The following TMEM232 variants were observed in gnomAD, a reference collection of about 807,000 sequenced individuals.
TMEM232 encodes transmembrane protein 232.
A neutral mutation model predicts 78.8 loss-of-function variants in TMEM232; 80 were observed. The ratio of observed to expected loss-of-function variants is 1.01; its 90% CI spans 0.85 to 1.22. TMEM232 has a LOEUF of 1.22. Ranked by LOEUF, TMEM232 falls within the 50% of genes most tolerant of loss-of-function variation. TMEM232 has a pLI of 0.00. For synonymous variants in TMEM232, 297 were observed against 254.3 expected, an observed-to-expected ratio of 1.17 and a Z score of -1.60; for missense variants, 881 against 742.2, an observed-to-expected ratio of 1.19 and a Z score of -2.17.
At chr5:110,671,769 T>A (rs1050648620) in intron 1 of TMEM232, among the ~76,000 whole-genome samples, 16 of 152,094 alleles carry the variant, frequency 1.1e-4, no homozygotes, top group Non-Finnish European at 4.4e-5. Context: ...AGAGGAGCGA[T>A]AGCATTAAGA....
At chr5:110,502,759 T>G (rs1006827219) in intron 12 of TMEM232, among the ~76,000 whole-genome samples, 1 of 152,150 alleles carries the variant, frequency 6.6e-6, no homozygotes, top group African/African-American at 2.4e-5. Flanking sequence ...CTTCCTTCAT[T>G]TGGGCATTGT....
At chr5:110,399,812 C>G (rs139702533) in intron 2 of TMEM232, among the ~76,000 whole-genome samples, 1 of 152,262 alleles carries the variant, frequency 6.6e-6, no homozygotes, top group Non-Finnish European at 1.5e-5. Context: ...CCCTTCCTTA[C>G]CAGATTGCCA....
chr5:110,489,600 G>A (rs1349204695), intron 12 of TMEM232, among the ~76,000 whole-genome samples: 2 of 152,052 alleles, frequency 1.3e-5, no homozygotes, highest in African/African-American at 2.4e-5. Context: ...TCAGGAATAA[G>A]GAAAATATAT....
chr5:110,723,787 C>T (rs766037394), intron 1 of TMEM232, among the ~76,000 whole-genome samples: 9 of 152,194 alleles, frequency 5.9e-5, no homozygotes, highest in Non-Finnish European at 1.2e-4. Context: ...TGAGTTCTAG[C>T]TAAAGCTTAG....
intron 1 of TMEM232, among the ~76,000 whole-genome samples, chr5:110,693,822 G>A (rs142594301): frequency 0.085 from 12,964 of 152,194 alleles, 576 homozygotes; most frequent in Admixed American, 0.12. Context: ...CCAAATCTAC[G>A]TCTGATTGGT....
At chr5:110,505,457 A>G (rs1288218416) in intron 12 of TMEM232, among the ~76,000 whole-genome samples, 4 of 152,138 alleles carry the variant, frequency 2.6e-5, no homozygotes, top group African/African-American at 9.7e-5. Flanking sequence ...AGGAAGAAAA[A>G]TCGTTCTAAA....
intron 2 of TMEM232, among the ~76,000 whole-genome samples, chr5:110,407,914 T>C (rs1166145735): frequency 1.3e-5 from 2 of 152,148 alleles, no homozygotes; most frequent in Non-Finnish European, 2.9e-5. Flanking sequence ...TGGGGTGATA[T>C]GGCTATAGAT....
intron 10 of TMEM232, among the ~76,000 whole-genome samples, chr5:110,583,052 T>C (rs746830468): frequency 6.6e-6 from 1 of 151,930 alleles, no homozygotes; most frequent in Non-Finnish European, 1.5e-5. Context: ...TTGAAATACT[T>C]AATATTTTAA....
chr5:110,629,816 T>C (rs1206791124), intron 5 of TMEM232, among the ~76,000 whole-genome samples: 4 of 152,214 alleles, frequency 2.6e-5, no homozygotes, highest in South Asian at 2.1e-4. Context: ...GCTGCTTATA[T>C]GTTATTCTCT....
At chr5:110,712,599 C>T (rs1796604760) in intron 1 of TMEM232, among the ~76,000 whole-genome samples, 1 of 152,084 alleles carries the variant, frequency 6.6e-6, no homozygotes, top group Non-Finnish European at 1.5e-5. Flanking sequence ...AGTCCCTGAC[C>T]ACCGATCAAA....
chr5:110,513,783 G>A (rs570733754), intron 12 of TMEM232: 5 of 166,356 alleles, frequency 3.0e-5, no homozygotes, highest in Admixed American at 2.6e-4. Context: ...TAGTATGGAA[G>A]TTCCTCAATA....
chr5:110,596,985 A>G (rs1780248283), intron 10 of TMEM232, among the ~76,000 whole-genome samples: 1 of 152,136 alleles, frequency 6.6e-6, no homozygotes, highest in Non-Finnish European at 1.5e-5. Flanking sequence ...CACCCCTCCT[A>G]TTCAACATAG....
At chr5:110,499,660 T>A (rs1766029147) in intron 12 of TMEM232, among the ~76,000 whole-genome samples, 1 of 145,352 alleles carries the variant, frequency 6.9e-6, no homozygotes, top group African/African-American at 2.7e-5. Context: ...TATATATATA[T>A]AAAGATAAGC....
intron 1 of TMEM232, among the ~76,000 whole-genome samples, chr5:110,704,054 G>C (rs1190501853): frequency 6.6e-6 from 1 of 152,008 alleles, no homozygotes; most frequent in East Asian, 1.9e-4. Context: ...ATTGAAAGGG[G>C]ATACGCTCCA....
chr5:110,533,993 T>C (rs1417279637), intron 11 of TMEM232, among the ~76,000 whole-genome samples: 2 of 152,150 alleles, frequency 1.3e-5, no homozygotes, highest in African/African-American at 2.4e-5. Flanking sequence ...CAAGGATTAT[T>C]GAGGCCCTCT....
At chr5:110,541,318 T>C (rs530979299) in intron 11 of TMEM232, among the ~76,000 whole-genome samples, 1 of 152,174 alleles carries the variant, frequency 6.6e-6, no homozygotes. Context: ...GAGGAGCTTA[T>C]CCAGGGGAAT....
At chr5:110,618,267 T>C (rs1423704754) in intron 8 of TMEM232, among the ~76,000 whole-genome samples, 162 bp downstream of exon 8, 1 of 152,176 alleles carries the variant, frequency 6.6e-6, no homozygotes, top group Non-Finnish European at 1.5e-5. Context: ...ATGAAATGAA[T>C]TAATACTAAA....
intron 1 of TMEM232, among the ~76,000 whole-genome samples, chr5:110,698,892 T>G (rs1795117183): frequency 6.6e-6 from 1 of 152,094 alleles, no homozygotes; most frequent in African/African-American, 2.4e-5. Flanking sequence ...ATATTCCTTC[T>G]GAGAGCAATT....
chr5:110,508,988 G>GTGTATATA (rs1330193605), intron 12 of TMEM232, among the ~76,000 whole-genome samples: 4,453 of 121,646 alleles, frequency 0.037, 263 homozygotes, highest in African/African-American at 0.17. Context: ...AATTATATAT[G>GTGTATATA]TGTATATATG....
Sources: allele counts gnomAD v4.1 joint callset (sites outside exome capture counted in the v4.1 genomes callset), GRCh38; gene constraint gnomAD v4.1.1; transcripts MANE v1.5; gene names NCBI Gene and HGNC (gene_info 2026-07-23, HGNC 2026-07-21).